LHFPL6: variants seen among roughly 807,000 people sequenced by gnomAD.
LHFPL6 encodes LHFPL tetraspan subfamily member 6, also known as LHFPL tetraspan subfamily member 6 protein.
Under a neutral mutation model 20.6 loss-of-function variants are expected in LHFPL6, and 9 were observed. That is an observed-to-expected ratio of 0.44 (90% confidence interval 0.26 to 0.76). The LOEUF (loss-of-function observed/expected upper bound fraction) is 0.76, where lower values mean the gene tolerates loss of function less well. Among genes scored for constraint, LHFPL6 ranks in the 30% least tolerant of loss-of-function variants. LHFPL6 has a pLI of 0.20. For missense variants in LHFPL6, 218 were observed against 253.5 expected, an observed-to-expected ratio of 0.86 and a Z score of 0.95; for synonymous variants, 105 against 98.7, an observed-to-expected ratio of 1.06 and a Z score of -0.38.
chr13:39,343,846 T>C lies in LHFPL6; in HGVS notation c.*90A>G. Reference sequence around the variant, plus strand: ...TAGCATTGTATTGGATTAGAACTACTATCCCACCTTTTGAAGGTAGGTGGA... The same window carrying C: ...TAGCATTGTATTGGATTAGAACTACCATCCCACCTTTTGAAGGTAGGTGGA... On this transcript the variant is annotated 3_prime_UTR_variant, in exon 4 of 4. Transcript: ENST00000379589. 2.3e-6 allele frequency: 2 copies of C among 861,130 alleles called. No homozygotes were observed. Among genetic ancestry groups the C allele is most frequent in the Non-Finnish European group, 3.8e-6 (2 of 526,146 alleles). 53.3% of individuals were successfully genotyped at this position (861,130 alleles called of 1,614,324 possible).
intron 2 of LHFPL6, among the ~76,000 whole-genome samples, chr13:39,477,378 G>A (rs544293704): frequency 6.6e-6 from 1 of 152,262 alleles, no homozygotes; most frequent in African/African-American, 2.4e-5. Flanking sequence ...TTATTCACAA[G>A]TATTTTTAGA....
rs183690111 is a variant in LHFPL6, at chr13:39,389,335, C to T, written c.386-10809G>A. On this transcript the variant is annotated intron_variant, in intron 2 of 3. Coordinates refer to ENST00000379589, the MANE Select transcript of LHFPL6 (RefSeq NM_005780.3). The stretch of plus-strand genomic sequence containing the variant: ...GCTTGTGGGTTGAGAAGGGTCCCAG[C>T]GAATGTACCTTCTCATATGGCTGTG... Among the ~76,000 whole-genome samples, 493 of 152,220 alleles carry T rather than the reference C, an allele frequency of 3.2e-3. 3 individuals carry two copies. Among genetic ancestry groups the T allele is most frequent in the African/African-American group, 0.011 (472 of 41,540 alleles).
chr13:39,583,332 C>T (rs1481303726), intron 2 of LHFPL6, among the ~76,000 whole-genome samples: 3 of 152,008 alleles, frequency 2.0e-5, no homozygotes, highest in Non-Finnish European at 4.4e-5. Context: ...GCCACCATGC[C>T]TGGATAATTT....
rs557045561 is a variant in LHFPL6 at position 39,437,771 on chromosome 13, G to A, written c.386-59245C>T. 6.3e-4 allele frequency among the ~76,000 whole-genome samples: 96 copies of A among 152,102 alleles called. 2 individuals are homozygous for A. In the South Asian group the frequency reaches 0.012, roughly 19 times the overall value. On this transcript the variant is annotated intron_variant, in intron 2 of 3. Coordinates refer to ENST00000379589, the MANE Select transcript of LHFPL6 (RefSeq NM_005780.3). ...CAAAAAATTAGCTGGGCGTGGTGGC[G>A]GGTGCCTGTAGTCCCAGCTACTTGG...
chr13:39,550,946 G>C (rs1593359441), intron 2 of LHFPL6, among the ~76,000 whole-genome samples: 1 of 152,058 alleles, frequency 6.6e-6, no homozygotes, highest in East Asian at 1.9e-4. Context: ...ATAGTATAAA[G>C]AATTTCTAAA....
intron 2 of LHFPL6, among the ~76,000 whole-genome samples, chr13:39,588,681 A>G (rs1872521470): frequency 6.6e-6 from 1 of 152,248 alleles, no homozygotes; most frequent in Non-Finnish European, 1.5e-5. Flanking sequence ...TCACATTGGT[A>G]GCATTACTTC....
At chr13:39,576,203 A>G (rs1872109464) in intron 2 of LHFPL6, among the ~76,000 whole-genome samples, 1 of 152,338 alleles carries the variant, frequency 6.6e-6, no homozygotes, top group African/African-American at 2.4e-5. Context: ...ATTTTAACAG[A>G]GTTCATACAG....
chr13:39,533,723 A>G (rs1182411444), intron 2 of LHFPL6, among the ~76,000 whole-genome samples: 2 of 152,206 alleles, frequency 1.3e-5, no homozygotes, highest in Admixed American at 1.3e-4. Flanking sequence ...CCCTATTTCT[A>G]TGGCAGATTG....
chr13:39,354,723 T>C (rs979555220), intron 3 of LHFPL6, among the ~76,000 whole-genome samples: 7 of 152,032 alleles, frequency 4.6e-5, no homozygotes, highest in African/African-American at 1.7e-4. Context: ...ACTGAACTTG[T>C]GAAATTGAAA....
At chr13:39,369,440 T>G (rs1057417940) in intron 3 of LHFPL6, among the ~76,000 whole-genome samples, 19 of 152,260 alleles carry the variant, frequency 1.2e-4, no homozygotes, top group South Asian at 1.0e-3. Flanking sequence ...AATTTTTTTT[T>G]GGGAGGTGGT....
intron 3 of LHFPL6, among the ~76,000 whole-genome samples, chr13:39,362,653 CCT>C (rs1406235412): frequency 6.6e-6 from 1 of 152,082 alleles, no homozygotes; most frequent in African/African-American, 2.4e-5. Flanking sequence ...ACTCAATGAC[CCT>C]CTTACACTCT....
chr13:39,576,009 C>T (rs969443434), intron 2 of LHFPL6, among the ~76,000 whole-genome samples: 2 of 152,194 alleles, frequency 1.3e-5, no homozygotes, highest in Admixed American at 6.5e-5. Context: ...TCTCTTCCTT[C>T]TGCTTTATTA....
chr13:39,468,769 G>A (rs189067813), intron 2 of LHFPL6, among the ~76,000 whole-genome samples: 81 of 152,124 alleles, frequency 5.3e-4, no homozygotes, highest in African/African-American at 1.9e-3. Flanking sequence ...AAGAAGCCAA[G>A]TCTTGGACTG....
At chr13:39,408,956 G>A (rs1380585478) in intron 2 of LHFPL6, among the ~76,000 whole-genome samples, 1 of 152,152 alleles carries the variant, frequency 6.6e-6, no homozygotes, top group African/African-American at 2.4e-5. Context: ...GTTTTGTAAA[G>A]AGCCATCACA....
intron 2 of LHFPL6, among the ~76,000 whole-genome samples, chr13:39,545,843 G>A (rs1281252276): frequency 1.3e-5 from 2 of 152,130 alleles, no homozygotes; most frequent in East Asian, 3.8e-4. Context: ...GGCTGAGACA[G>A]GAAGATCACT....
intron 2 of LHFPL6, among the ~76,000 whole-genome samples, chr13:39,451,476 T>C (rs1040562108): frequency 3.9e-4 from 59 of 152,328 alleles, no homozygotes; most frequent in Non-Finnish European, 5.7e-4. Flanking sequence ...AGCCAACCTA[T>C]TACATAACCT....
chr13:39,390,216 A>T (rs1324658417), intron 2 of LHFPL6, among the ~76,000 whole-genome samples: 1 of 152,204 alleles, frequency 6.6e-6, no homozygotes, highest in Non-Finnish European at 1.5e-5. Context: ...AGGACTTTCT[A>T]CAAATTTATA....
chr13:39,381,801 C>A (rs1223514028), intron 2 of LHFPL6, among the ~76,000 whole-genome samples: 1 of 148,058 alleles, frequency 6.8e-6, no homozygotes, highest in Non-Finnish European at 1.5e-5. Context: ...CCCGGGATAC[C>A]TTCTGGTCAG....
intron 2 of LHFPL6, among the ~76,000 whole-genome samples, chr13:39,392,728 C>T (rs1870740862): frequency 6.6e-6 from 1 of 152,004 alleles, no homozygotes; most frequent in Admixed American, 6.6e-5. Flanking sequence ...TTTCCACAAA[C>T]AAAAACCTGA....
Sources: allele counts gnomAD v4.1 joint callset (sites outside exome capture counted in the v4.1 genomes callset), GRCh38; gene constraint gnomAD v4.1.1; transcripts MANE v1.5; gene names NCBI Gene and HGNC (gene_info 2026-07-23, HGNC 2026-07-21).